Variants in NPAS2 observed in about 807,000 individuals in gnomAD.
NPAS2 encodes neuronal PAS domain-containing protein 2.
Under a neutral mutation model 107.5 loss-of-function variants are expected in NPAS2, and 23 were observed. That is an observed-to-expected ratio of 0.21 (90% confidence interval 0.15 to 0.30). The LOEUF (loss-of-function observed/expected upper bound fraction) is 0.30. NPAS2 is among the 10% of genes least tolerant of loss of function. The probability of loss-of-function intolerance (pLI) is 1.00; values close to 1 mark genes in which losing one functional copy is unlikely to be tolerated. For missense variants in NPAS2, 756 were observed against 1,043.3 expected (o/e 0.72, Z 3.79); for synonymous variants, 403 against 417.5 (o/e 0.97, Z 0.42).
chr2:100,958,118 A>C (rs1373879696), intron 7 of NPAS2, among the ~76,000 whole-genome samples: 2 of 152,146 alleles, frequency 1.3e-5, no homozygotes, highest in African/African-American at 4.8e-5. Flanking sequence ...CAAATAGGTC[A>C]CCCTCGGCAA....
chr2:100,984,745 C>A (rs997977790), intron 16 of NPAS2: 1 of 152,152 alleles, frequency 6.6e-6, no homozygotes, highest in Admixed American at 6.5e-5. Context: ...CTGTGCCCAG[C>A]AGCAAACCAG....
At chr2:100,988,704 C>T (rs1221848433) in intron 17 of NPAS2, 2 of 333,466 alleles carry the variant, frequency 6.0e-6, no homozygotes, top group Non-Finnish European at 1.1e-5. Flanking sequence ...TTCACTGTCC[C>T]TTGCCCCAGG....
At position 100,974,847 on chromosome 2, in the gene NPAS2, C is replaced by T. The variant is rs770171640; in HGVS notation, c.1185C>T (p.Leu395=). 4 of 1,614,134 alleles carry T rather than the reference C, an allele frequency of 2.5e-6. No homozygotes were observed. Among genetic ancestry groups the T allele is most frequent in the East Asian group, 2.2e-5 (1 of 44,850 alleles). ...AACCTCGGCAGCACTTTAACACACTCGACGTGGGTGCCTCGGGCCTTAATA... is the reference window on the plus strand; with the variant it reads ...AACCTCGGCAGCACTTTAACACACTTGACGTGGGTGCCTCGGGCCTTAATA... ...SLEPRQHFNT[L]DVGASGLNTS... Residue 395 remains leucine, a synonymous_variant, in exon 13 of 21, where the codon CTC becomes CTT. Coordinates refer to ENST00000335681, the MANE Select transcript of NPAS2 (RefSeq NM_002518.4).
chr2:100,821,072 G>T, intron 1 of NPAS2: 1 of 1,304,240 alleles, frequency 7.7e-7, no homozygotes, highest in South Asian at 1.2e-5. Context: ...TTTCCCAGCC[G>T]AGGAGGGACG....
At chr2:100,948,204 G>T in intron 5 of NPAS2, 31 bp from the exon 6 acceptor site, 1 of 1,608,772 alleles carries the variant, frequency 6.2e-7, no homozygotes, top group Non-Finnish European at 8.5e-7. Context: ...TTCGTTGAGG[G>T]TGTACCTTTG....
chr2:100,826,417 G>A (rs1327881591), intron 1 of NPAS2, among the ~76,000 whole-genome samples: 1 of 152,086 alleles, frequency 6.6e-6, no homozygotes, highest in Non-Finnish European at 1.5e-5. Context: ...ACTCCAGCCT[G>A]GCAACAGAGC....
chr2:100,828,007 G>C (rs1017608754), intron 1 of NPAS2, among the ~76,000 whole-genome samples: 2 of 152,176 alleles, frequency 1.3e-5, no homozygotes, highest in African/African-American at 2.4e-5. Flanking sequence ...GCATTCCACA[G>C]TGGCTGAACT....
chr2:100,942,828 G>A (rs1674655920), intron 5 of NPAS2, among the ~76,000 whole-genome samples: 1 of 152,126 alleles, frequency 6.6e-6, no homozygotes, highest in Non-Finnish European at 1.5e-5. Context: ...GTGTATAAAT[G>A]GAATCATTGA....
intron 1 of NPAS2, among the ~76,000 whole-genome samples, chr2:100,868,358 C>T (rs2104560111): frequency 1.3e-5 from 2 of 152,302 alleles, no homozygotes; most frequent in African/African-American, 4.8e-5. Flanking sequence ...AGTCCTGCTG[C>T]CCATCCAGTT....
In NPAS2 at chr2:100,996,114, GT is replaced by G. The variant is rs1345824672; in HGVS notation, c.*540del. 7.9e-5 allele frequency: 33 copies of G among 419,018 alleles called. No individual in the cohort carries two copies. Among genetic ancestry groups the G allele is most frequent in the Non-Finnish European group, 1.2e-4 (32 of 277,076 alleles). The allele number at this position is 419,018 out of a possible 1,614,324, so 26.0% of individuals were successfully genotyped here. A position where few individuals can be genotyped will look rare whatever the true frequency, so the allele number is the denominator to read the frequency against. On this transcript the variant is annotated 3_prime_UTR_variant, in exon 21 of 21. Transcript: ENST00000335681. Reference sequence around the variant, plus strand: ...AGAGGAAATAACTTAGGCACTTTCTGTTTTTTTTAAAAAAATAATAAGGTCT... The same window carrying G: ...AGAGGAAATAACTTAGGCACTTTCTGTTTTTTTAAAAAAATAATAAGGTCT...
chr2:100,904,438 C>T (rs1018687983), intron 1 of NPAS2, among the ~76,000 whole-genome samples: 3 of 152,198 alleles, frequency 2.0e-5, no homozygotes, highest in African/African-American at 4.8e-5. Context: ...TGAGTGTACA[C>T]GACATAATTG....
At position 100,986,672 on chromosome 2, in the gene NPAS2, C is replaced by G. The variant is rs568447303; in HGVS notation, c.1630-1407C>G. 3.9e-5 allele frequency: 6 copies of G among 152,270 alleles called. No homozygotes were observed. The South Asian group carries it at 6.2e-4, about 16-fold the overall frequency. 9.4% of individuals were successfully genotyped at this position (152,270 alleles called of 1,614,324 possible). On this transcript the variant is annotated intron_variant, in intron 16 of 20. Coordinates refer to ENST00000335681, the MANE Select transcript of NPAS2 (RefSeq NM_002518.4). ...TTATTATTAAAATTACAAAAGTTGT[C>G]TTTCTTAAAACTTTAGAGTCAACTG...
intron 1 of NPAS2, among the ~76,000 whole-genome samples, chr2:100,842,081 G>GCGTGCGCGCACA: frequency 6.7e-6 from 1 of 148,798 alleles, no homozygotes; most frequent in Non-Finnish European, 1.5e-5. Flanking sequence ...GCATGTACGC[G>GCGTGCGCGCACA]CACACACACA....
At chr2:100,865,663 A>G (rs1194338884) in intron 1 of NPAS2, among the ~76,000 whole-genome samples, 2 of 152,152 alleles carry the variant, frequency 1.3e-5, no homozygotes, top group Admixed American at 1.3e-4. Context: ...AAGAATTTGG[A>G]AAGGGGGCAA....
Position 100,988,000 on chromosome 2 carries a change from C to T in NPAS2, c.1630-79C>T, listed in dbSNP as rs1486946085. 5 of 1,468,910 alleles carry T rather than the reference C, an allele frequency of 3.4e-6. No individual in the cohort carries two copies. The African/African-American group carries it at 5.6e-5, about 16-fold the overall frequency. 91.0% of individuals were successfully genotyped at this position (1,468,910 alleles called of 1,614,324 possible). ...CTCAGAGCAAGAAAGTTCTTACTGG[C>T]ACAGGGAATGCAAAGGAGGTGCACA... On this transcript the variant is annotated intron_variant, in intron 16 of 20. Coordinates refer to ENST00000335681, the MANE Select transcript of NPAS2 (RefSeq NM_002518.4).
chr2:100,850,349 G>C (rs1218217797), intron 1 of NPAS2, among the ~76,000 whole-genome samples: 1 of 152,148 alleles, frequency 6.6e-6, no homozygotes, highest in African/African-American at 2.4e-5. Flanking sequence ...CTTCTGCCAA[G>C]TCTTCAGCCT....
intron 2 of NPAS2, among the ~76,000 whole-genome samples, chr2:100,923,976 A>G (rs1683403390): frequency 6.6e-6 from 1 of 152,178 alleles, no homozygotes; most frequent in Non-Finnish European, 1.5e-5. Context: ...CAGGGTCCTC[A>G]GAGGTGCTTG....
intron 1 of NPAS2, among the ~76,000 whole-genome samples, chr2:100,903,599 C>A (rs561545470): frequency 6.6e-6 from 1 of 152,150 alleles, no homozygotes; most frequent in Non-Finnish European, 1.5e-5. Flanking sequence ...GGTGCATTTG[C>A]GAAGTGCTGG....
At chr2:100,870,372 C>T (rs1482536908) in intron 1 of NPAS2, among the ~76,000 whole-genome samples, 1 of 152,092 alleles carries the variant, frequency 6.6e-6, no homozygotes, top group Non-Finnish European at 1.5e-5. Context: ...CTTACAGGGA[C>T]CAACTTCTCT....
Sources: gnomAD v4.1 joint callset for allele counts (sites outside exome capture counted in the v4.1 genomes callset) on GRCh38, gnomAD v4.1.1 for gene constraint, MANE v1.5 for transcripts, NCBI Gene and HGNC (gene_info 2026-07-23, HGNC 2026-07-21) for gene names.